The following TMEM132D variants were observed in gnomAD, a reference collection of about 807,000 sequenced individuals.
TMEM132D encodes the protein transmembrane protein 132D.
TMEM132D carries 21 observed loss-of-function variants against 62.3 expected under a neutral mutation model. The observed-to-expected ratio is 0.34, with a 90% CI of 0.24 to 0.49. The LOEUF (loss-of-function observed/expected upper bound fraction) is 0.49, where lower values mean the gene tolerates loss of function less well. Ranked by LOEUF, TMEM132D falls within the 20% of genes least tolerant of loss-of-function variation. The pLI is 0.99. For missense variants in TMEM132D, 1,346 were observed against 1,402.8 expected, an observed-to-expected ratio of 0.96 and a Z score of 0.65; for synonymous variants, 621 against 575.6, an observed-to-expected ratio of 1.08 and a Z score of -1.13.
chr12:129,291,220 C>T (rs557172467), intron 4 of TMEM132D, among the ~76,000 whole-genome samples: 5 of 152,258 alleles, frequency 3.3e-5, no homozygotes, highest in South Asian at 4.2e-4. Flanking sequence ...TTATGCAGCC[C>T]TAATTTTAAT....
At chr12:129,801,234 G>A (rs1034321211) in intron 1 of TMEM132D, among the ~76,000 whole-genome samples, 2 of 152,214 alleles carry the variant, frequency 1.3e-5, no homozygotes, top group African/African-American at 2.4e-5. Flanking sequence ...AGGCCTGCCT[G>A]CCTGCCTCTG....
intron 1 of TMEM132D, among the ~76,000 whole-genome samples, chr12:129,848,201 G>T (rs1457392329): frequency 6.6e-6 from 1 of 152,134 alleles, no homozygotes; most frequent in Non-Finnish European, 1.5e-5. Flanking sequence ...TATTAGGTTG[G>T]TGCGAAAGTA....
At chr12:129,268,511 C>A (rs529312123) in intron 4 of TMEM132D, among the ~76,000 whole-genome samples, 2 of 152,084 alleles carry the variant, frequency 1.3e-5, no homozygotes, top group Non-Finnish European at 2.9e-5. Context: ...GTTAGAATGG[C>A]AATCATTAAA....
chr12:129,161,682 C>T (rs1344558962), intron 5 of TMEM132D, among the ~76,000 whole-genome samples: 3 of 152,216 alleles, frequency 2.0e-5, no homozygotes, highest in Admixed American at 6.5e-5. Context: ...CAACTCGTGC[C>T]AGCCTCTCCC....
At chr12:129,527,870 T>A (rs1593052076) in intron 3 of TMEM132D, among the ~76,000 whole-genome samples, 1 of 152,298 alleles carries the variant, frequency 6.6e-6, no homozygotes, top group East Asian at 1.9e-4. Context: ...CCTAACTTCT[T>A]CAAACAGGGA....
At chr12:129,291,681 A>G in intron 4 of TMEM132D, among the ~76,000 whole-genome samples, 1 of 152,194 alleles carries the variant, frequency 6.6e-6, no homozygotes, top group Non-Finnish European at 1.5e-5. Context: ...CGTGGTCAAC[A>G]GGTTTCTCCT....
intron 2 of TMEM132D, among the ~76,000 whole-genome samples, chr12:129,663,521 T>C (rs1291311863): frequency 6.6e-6 from 1 of 152,202 alleles, no homozygotes; most frequent in African/African-American, 2.4e-5. Flanking sequence ...CCAGGACATA[T>C]TGAATCATGC....
intron 1 of TMEM132D, among the ~76,000 whole-genome samples, chr12:129,759,939 T>C (rs931933169): frequency 6.6e-6 from 1 of 151,958 alleles, no homozygotes; most frequent in Non-Finnish European, 1.5e-5. Context: ...AGGGTCTTGC[T>C]CTGTTGCCCA....
intron 2 of TMEM132D, among the ~76,000 whole-genome samples, chr12:129,631,722 C>T (rs1481492727): frequency 6.6e-6 from 1 of 152,190 alleles, no homozygotes; most frequent in African/African-American, 2.4e-5. Context: ...AAAGTCTTGT[C>T]TCCCAGGGAG....
At chr12:129,458,678 C>T (rs1259677142) in intron 3 of TMEM132D, among the ~76,000 whole-genome samples, 1 of 152,154 alleles carries the variant, frequency 6.6e-6, no homozygotes, top group East Asian at 1.9e-4. Flanking sequence ...AGGAAATTGG[C>T]AGTGGGCTAA....
At chr12:129,637,466 C>G (rs557826650) in intron 2 of TMEM132D, among the ~76,000 whole-genome samples, 3 of 152,096 alleles carry the variant, frequency 2.0e-5, no homozygotes, top group Admixed American at 6.6e-5. Flanking sequence ...TGGTTTACTA[C>G]CATCCCCCTT....
At chr12:129,395,414 A>G (rs1348250345) in intron 3 of TMEM132D, among the ~76,000 whole-genome samples, 1 of 152,134 alleles carries the variant, frequency 6.6e-6, no homozygotes, top group African/African-American at 2.4e-5. Flanking sequence ...CTTGATGCCC[A>G]ATCTGAATTA....
intron 1 of TMEM132D, among the ~76,000 whole-genome samples, chr12:129,746,819 C>T (rs1869795892): frequency 2.0e-5 from 3 of 152,214 alleles, no homozygotes; most frequent in South Asian, 2.1e-4. Context: ...TTCCCAGCCT[C>T]CCCGACTCAG....
chr12:129,693,936 T>C (rs1313617543), intron 2 of TMEM132D, among the ~76,000 whole-genome samples: 2 of 152,160 alleles, frequency 1.3e-5, no homozygotes, highest in African/African-American at 4.8e-5. Flanking sequence ...CACCCGCTCA[T>C]GAATCATCAT....
intron 4 of TMEM132D, chr12:129,210,821 C>T (rs558887553): frequency 6.6e-6 from 1 of 152,384 alleles, no homozygotes; most frequent in Non-Finnish European, 1.5e-5. Context: ...CCCAGCTCCT[C>T]ACACTGTATG....
At chr12:129,116,918 C>CAAAAAAAAAAAAAAAA (rs60513263) in intron 5 of TMEM132D, among the ~76,000 whole-genome samples, 2 of 58,988 alleles carry the variant, frequency 3.4e-5, no homozygotes, top group Non-Finnish European at 2.9e-5. Flanking sequence ...AAAATTTCCG[C>CAAAAAAAAAAAAAAAA]AAAAAAAAAA....
At chr12:129,359,361 T>G (rs1870176065) in intron 3 of TMEM132D, among the ~76,000 whole-genome samples, 1 of 152,202 alleles carries the variant, frequency 6.6e-6, no homozygotes, top group Admixed American at 6.5e-5. Flanking sequence ...TGAATGTAAT[T>G]AATTCCACTG....
At chr12:129,518,900 AG>A (rs1440763447) in intron 3 of TMEM132D, among the ~76,000 whole-genome samples, 2 of 152,212 alleles carry the variant, frequency 1.3e-5, no homozygotes, top group Admixed American at 6.5e-5. Flanking sequence ...TAGAAACAAA[AG>A]GTTATTAAAA....
intron 3 of TMEM132D, among the ~76,000 whole-genome samples, chr12:129,511,132 T>C (rs1407478672): frequency 6.6e-6 from 1 of 152,202 alleles, no homozygotes; most frequent in South Asian, 2.1e-4. Context: ...ATAATAGTGA[T>C]ATAAAATATA....
Sources: gnomAD v4.1 joint callset for allele counts (sites outside exome capture counted in the v4.1 genomes callset) on GRCh38, gnomAD v4.1.1 for gene constraint, MANE v1.5 for transcripts, NCBI Gene and HGNC (gene_info 2026-07-23, HGNC 2026-07-21) for gene names.